Variants in MROH7 observed in about 807,000 individuals in gnomAD.
The protein encoded by MROH7 is maestro heat like repeat family member 7, also known as maestro heat-like repeat-containing protein family member 7.
Under a neutral mutation model 129.2 loss-of-function variants are expected in MROH7, and 113 were observed. The observed-to-expected ratio is 0.87, with a 90% confidence interval of 0.75 to 1.02. The LOEUF is 1.02. Among genes scored for constraint, MROH7 ranks in the 50% least tolerant of loss-of-function variants. The pLI, the probability that MROH7 is intolerant of heterozygous loss-of-function variation, is 0.00. For missense variants in MROH7, 1,601 were observed against 1,671.3 expected (o/e 0.96, Z 0.73); for synonymous variants, 655 against 667.9 (o/e 0.98, Z 0.30).
Position 54,653,006 on chromosome 1 carries a change from C to G in MROH7, c.80C>G (p.Pro27Arg). ...MTPSPPSCGA[P>R]GLGSGTIPQP... ...CCAAGTCCCCCCTCCTGTGGGGCCCCGGGATTAGGGTCTGGTACCATCCCT... is the reference window on the plus strand; with the variant it reads ...CCAAGTCCCCCCTCCTGTGGGGCCCGGGGATTAGGGTCTGGTACCATCCCT... The change falls in exon 3 of 24, where the codon CCG becomes CGG. Residue 27 changes from proline (P) to arginine (R), a missense_variant. Physicochemically the swap from Pro to Arg is moderately radical, Grantham distance 103. Transcript: ENST00000421030. 1 of 1,614,054 alleles carries G rather than the reference C, an allele frequency of 6.2e-7. No individual in the cohort carries two copies. Among genetic ancestry groups the G allele is most frequent in the African/African-American group, 1.3e-5 (1 of 75,030 alleles).
intron 17 of MROH7, chr1:54,695,856 G>T (rs556552424): frequency 5.8e-6 from 2 of 346,896 alleles, no homozygotes; most frequent in South Asian, 4.4e-5. Flanking sequence ...GGTGATACCA[G>T]TGAGTGATTT....
chr1:54,701,294 T>G lies in MROH7; in HGVS notation c.3257T>G (p.Leu1086Arg), dbSNP rs1446271034. 6.2e-7 allele frequency: 1 copy of G among 1,601,282 alleles called. No homozygotes were observed. Among genetic ancestry groups the G allele is most frequent in the Non-Finnish European group, 8.5e-7 (1 of 1,171,154 alleles). Residue 1086 changes from leucine (L) to arginine (R), a missense_variant, in exon 19 of 24, where the codon CTG (leucine) becomes CGG (arginine). Transcript: ENST00000421030. ...GACAGTGCGGTCTATGTGGAGATGC[T>G]GCAGATCCTGCTGCCGCACTTCAGC... ...LMDSAVYVEM[L>R]QILLPHFSDA... is the part of the protein sequence containing the mutation.
At position 54,653,853 on chromosome 1, in the gene MROH7, C is replaced by A; in HGVS notation, c.927C>A (p.Ser309Arg). The A allele has an allele frequency of 6.2e-7, 1 of 1,614,102 alleles. No homozygotes were observed. Residue 309 changes from serine (S) to arginine (R), a missense_variant, in exon 3 of 24, where the codon AGC (serine) becomes AGA (arginine). Transcript: ENST00000421030. ...TTCCTGGCTCCAGCTATGGTATCAG[C>A]CTGCACTCCAGCACCCATGAGCCCA... ...TLIPGSSYGISLHSSTHEPNS... is the reference protein window; with the variant it reads ...TLIPGSSYGIRLHSSTHEPNS...
chr1:54,687,121 T>G (rs1268132056), intron 15 of MROH7, among the ~76,000 whole-genome samples: 1 of 152,108 alleles, frequency 6.6e-6, no homozygotes, highest in African/African-American at 2.4e-5. Flanking sequence ...TCGCCCAGGC[T>G]GGAGTGCAGT....
intron 17 of MROH7, chr1:54,697,503 G>T (rs995428811): frequency 2.8e-5 from 15 of 535,184 alleles, no homozygotes; most frequent in Non-Finnish European, 5.1e-5. Context: ...GGAGTCCTGG[G>T]TTCCAGCCCC....
At chr1:54,649,260 T>C (rs1194345891) in intron 1 of MROH7, among the ~76,000 whole-genome samples, 1 of 152,252 alleles carries the variant, frequency 6.6e-6, no homozygotes, top group Non-Finnish European at 1.5e-5. Context: ...TTAATGATTC[T>C]CTCTGTCTTA....
rs1359637926 is a variant in MROH7, at chr1:54,644,197, G to A, written c.-110+2229G>A. 8.3e-5 allele frequency among the ~76,000 whole-genome samples: 11 copies of A among 133,122 alleles called. No individual in the cohort carries two copies. In the Admixed American group the frequency reaches 9.4e-4, roughly 11 times the overall value. The allele number at this position is 133,122 out of a possible 152,430, so 87.3% of individuals were successfully genotyped here. A position where few individuals can be genotyped will look rare whatever the true frequency, so the allele number is the denominator to read the frequency against. On this transcript the variant is annotated intron_variant, in intron 1 of 23. Transcript: ENST00000421030. ...ACTCTGATGATATAAACATTATTTT[G>A]TTATTGTTCCACAGATTCCTGAGGT...
chr1:54,710,230 GC>G lies in MROH7; in HGVS notation c.*45del. On this transcript the variant is annotated 3_prime_UTR_variant, in exon 24 of 24. Transcript: ENST00000421030. ...CCCTCCTCAGGGTGGTTGAGTTCCA[GC>G]CATGCTCCCTATAAATGTCATGTGG... 1 of 1,593,492 alleles carries G rather than the reference GC, an allele frequency of 6.3e-7. No homozygotes were observed. Among genetic ancestry groups the G allele is most frequent in the Non-Finnish European group, 8.5e-7 (1 of 1,171,564 alleles).
At chr1:54,665,518 T>C (rs1644800024) in intron 4 of MROH7, 2 of 287,860 alleles carry the variant, frequency 6.9e-6, no homozygotes, top group African/African-American at 2.2e-5. Flanking sequence ...TGGCACATAA[T>C]AGATGCTCAA....
chr1:54,673,777 A>T lies in MROH7; in HGVS notation c.1772A>T (p.Asn591Ile), dbSNP rs752896053. ...RAVNTNVSVL[N>I]HMLLTLPFFM... ...GTGAACACCAATGTCTCTGTGTTGA[A>T]CCACATGCTTCTAACTCTGCCTTTC... The change falls in exon 9 of 24, where the codon AAC becomes ATC. Residue 591 changes from asparagine (N) to isoleucine (I), a missense_variant. Physicochemically the swap from Asn to Ile is moderately radical, Grantham distance 149 (BLOSUM62 -3). Transcript: ENST00000421030. The T allele has an allele frequency of 6.2e-7, 1 of 1,614,020 alleles. No individual in the cohort carries two copies. Among genetic ancestry groups the T allele is most frequent in the South Asian group, 1.1e-5 (1 of 91,072 alleles).
intron 6 of MROH7, 79 bp downstream of exon 6, chr1:54,670,655 T>G: frequency 1.4e-6 from 2 of 1,455,000 alleles, no homozygotes; most frequent in South Asian, 1.3e-5. Context: ...CTCTTCGCTG[T>G]ACCCTCCCCC....
intron 3 of MROH7, among the ~76,000 whole-genome samples, chr1:54,659,363 A>G (rs1477751650): frequency 1.3e-5 from 2 of 151,812 alleles, no homozygotes; most frequent in African/African-American, 4.8e-5. Flanking sequence ...GCTCACTGCA[A>G]CCTCCACCTT....
chr1:54,699,159 T>TCTCTTTTCTTTC (rs1293867516), intron 17 of MROH7: 1 of 65,920 alleles, frequency 1.5e-5, no homozygotes, highest in African/African-American at 5.7e-5. Context: ...TCTTTCTTTC[T>TCTCTTTTCTTTC]TTTCTTTCTT....
chr1:54,648,337 T>TTTATTTA (rs770634760), intron 1 of MROH7, among the ~76,000 whole-genome samples: 1,197 of 10,892 alleles, frequency 0.11, 12 homozygotes, highest in Non-Finnish European at 0.16. Context: ...TGCATGCAAT[T>TTTATTTA]TTATTTATTT....
chr1:54,680,310 G>A (rs551906703), intron 13 of MROH7, among the ~76,000 whole-genome samples: 1 of 152,308 alleles, frequency 6.6e-6, no homozygotes, highest in South Asian at 2.1e-4. Context: ...TCTTGCCTTA[G>A]GTACTCACTG....
chr1:54,695,732 G>A, intron 17 of MROH7: 1 of 551,710 alleles, frequency 1.8e-6, no homozygotes, highest in Non-Finnish European at 3.3e-6. Context: ...AACCTTTGCT[G>A]GGCACCTCTG....
chr1:54,696,589 C>T (rs994386721), intron 17 of MROH7, among the ~76,000 whole-genome samples: 2 of 151,024 alleles, frequency 1.3e-5, no homozygotes, highest in Middle Eastern at 3.4e-3. Flanking sequence ...TCCTTTTGTG[C>T]CTGGCTGTTT....
intron 3 of MROH7, among the ~76,000 whole-genome samples, chr1:54,663,008 T>C (rs540158930): frequency 6.6e-6 from 1 of 152,316 alleles, no homozygotes; most frequent in East Asian, 1.9e-4. Context: ...TTGCATCCTG[T>C]CTGGTGCCTC....
chr1:54,679,559 G>A (rs888915926), intron 12 of MROH7, 120 bp downstream of exon 12: 5 of 1,136,840 alleles, frequency 4.4e-6, no homozygotes, highest in Admixed American at 2.7e-5. Flanking sequence ...AACCCCCTAA[G>A]CCATGGGGCA....
Sources: gnomAD v4.1 joint callset for allele counts (sites outside exome capture counted in the v4.1 genomes callset) on GRCh38, gnomAD v4.1.1 for gene constraint, MANE v1.5 for transcripts, NCBI Gene and HGNC (gene_info 2026-07-23, HGNC 2026-07-21) for gene names.